Variants in SH3TC2 observed in about 807,000 individuals in gnomAD.
The protein encoded by SH3TC2 is SH3 domain and tetratricopeptide repeats 2, also known as SH3 domain and tetratricopeptide repeat-containing protein 2.
SH3TC2 carries 87 observed loss-of-function variants against 124.5 expected under a neutral mutation model. The ratio of observed to expected loss-of-function variants is 0.70; its 90% confidence interval spans 0.59 to 0.84. The LOEUF (loss-of-function observed/expected upper bound fraction) is 0.84, where lower values mean the gene tolerates loss of function less well. Ranked by LOEUF, SH3TC2 falls within the 40% of genes least tolerant of loss-of-function variation. The pLI, the probability that SH3TC2 is intolerant of heterozygous loss-of-function variation, is 0.00. For synonymous variants in SH3TC2, 634 were observed against 628.5 expected (o/e 1.01, Z -0.13); for missense variants, 1,536 against 1,566.4 (o/e 0.98, Z 0.33).
chr5:149,016,172 C>T (rs556989305), intron 12 of SH3TC2, among the ~76,000 whole-genome samples: 1 of 152,220 alleles, frequency 6.6e-6, no homozygotes, highest in East Asian at 1.9e-4. Flanking sequence ...GAGATCAGTA[C>T]TATTATCATA....
chr5:149,030,931 C>T (rs940046648), intron 9 of SH3TC2, among the ~76,000 whole-genome samples: 1 of 151,606 alleles, frequency 6.6e-6, no homozygotes, highest in Non-Finnish European at 1.5e-5. Context: ...TCAGTCAGTC[C>T]TTCAGACACT....
chr5:149,052,246 G>T lies in SH3TC2; in HGVS notation c.53-6C>A. On this transcript the variant is annotated splice_region_variant and splice_polypyrimidine_tract_variant and intron_variant, in intron 1 of 16. Coordinates refer to ENST00000515425, the MANE Select transcript of SH3TC2 (RefSeq NM_024577.4). Reference sequence around the variant, plus strand: ...CTTGGAAGGAGTTTCTTTACCTGGAGAAGATGAAATAAAAGGTCATCTTAA... The same window carrying T: ...CTTGGAAGGAGTTTCTTTACCTGGATAAGATGAAATAAAAGGTCATCTTAA... 1 of 1,592,048 alleles carries T rather than the reference G, an allele frequency of 6.3e-7. No individual in the cohort carries two copies.
chr5:149,004,003 T>C lies in SH3TC2; in HGVS notation c.*708A>G, dbSNP rs114857521. 0.047 allele frequency: 8,733 copies of C among 187,468 alleles called. 286 individuals are homozygous for C. The highest frequency in any genetic ancestry group is 0.084 in the South Asian group (1,057 of 12,560). The allele number at this position is 187,468 out of a possible 1,614,324, so 11.6% of individuals were successfully genotyped here. On this transcript the variant is annotated 3_prime_UTR_variant, in exon 17 of 17. Transcript: ENST00000515425. Reference sequence around the variant, plus strand: ...ATATACACTATTTACATGTAATTTATGTCATAATTTTCTTAACATTCAATT... The same window carrying C: ...ATATACACTATTTACATGTAATTTACGTCATAATTTTCTTAACATTCAATT...
chr5:149,009,343 T>C (rs1753745565), intron 14 of SH3TC2, among the ~76,000 whole-genome samples: 1 of 152,284 alleles, frequency 6.6e-6, no homozygotes, highest in South Asian at 2.1e-4. Flanking sequence ...GTGCTATCTA[T>C]GAAGCACACA....
Position 149,027,065 on chromosome 5 carries a change from G to A in SH3TC2, c.2667C>T (p.Ser889=). The change falls in exon 11 of 17, where the codon TCC becomes TCT. Residue 889 remains serine, a synonymous_variant. Transcript: ENST00000515425. ...AGTTTCTGGCTGGATGCTGAGCCCA[G>A]GACTTAAGGCTCAGGTGGCCAAGAT... ...MANLGHLSLK[S]WAQHPARNYL... The A allele has an allele frequency of 6.2e-7, 1 of 1,614,150 alleles. No individual in the cohort carries two copies. Among genetic ancestry groups the A allele is most frequent in the East Asian group, 2.2e-5 (1 of 44,876 alleles).
rs1753486459 is a variant in SH3TC2, at chr5:148,995,010, T to A, written c.*9701A>T. On this transcript the variant is annotated 3_prime_UTR_variant, in exon 17 of 17. Transcript: ENST00000515425. Reference sequence around the variant, plus strand: ...CAAAATACCTTAAAGGTACTGCCTATCCCCTGGATCTTTATTCCATAGAAC... The same window carrying A: ...CAAAATACCTTAAAGGTACTGCCTAACCCCTGGATCTTTATTCCATAGAAC... Among the ~76,000 whole-genome samples the A allele has an allele frequency of 6.6e-6, 1 of 152,154 alleles. No homozygotes were observed. The highest frequency in any genetic ancestry group is 6.5e-5 in the Admixed American group (1 of 15,272).
At chr5:149,028,594 C>T in intron 10 of SH3TC2, 40 bp from the exon 11 acceptor site, 1 of 1,614,198 alleles carries the variant, frequency 6.2e-7, no homozygotes, top group Non-Finnish European at 8.5e-7. Flanking sequence ...TGGGCACCTG[C>T]ACCTAAGGTG....
Position 148,995,589 on chromosome 5 carries a change from C to T in SH3TC2, c.*9122G>A, listed in dbSNP as rs1430233185. 1.3e-5 allele frequency among the ~76,000 whole-genome samples: 2 copies of T among 152,222 alleles called. No homozygotes were observed. The highest frequency in any genetic ancestry group is 3.8e-4 in the East Asian group (2 of 5,196). ...TGAGCAGCCCTATCACCTGATTTCTCAATCACTCATGAGCAATAAGTAGTT... is the reference window on the plus strand; with the variant it reads ...TGAGCAGCCCTATCACCTGATTTCTTAATCACTCATGAGCAATAAGTAGTT... On this transcript the variant is annotated 3_prime_UTR_variant, in exon 17 of 17. Transcript: ENST00000515425.
chr5:148,985,055 T>C lies in SH3TC2; in HGVS notation c.*19656A>G, dbSNP rs374956879. Among the ~76,000 whole-genome samples, 4 of 152,092 alleles carry C rather than the reference T, an allele frequency of 2.6e-5. No homozygotes were observed. The highest frequency in any genetic ancestry group is 2.1e-4 in the South Asian group (1 of 4,828). The stretch of plus-strand genomic sequence containing the variant: ...ACCTGGGCAAGCTAATCTGGTTAAC[T>C]GAGACTCTTCTTGATAGAACTTTTA... On this transcript the variant is annotated 3_prime_UTR_variant, in exon 17 of 17. Transcript: ENST00000515425.
chr5:149,055,764 T>C (rs917299597), intron 1 of SH3TC2, among the ~76,000 whole-genome samples: 1 of 152,166 alleles, frequency 6.6e-6, no homozygotes, highest in Non-Finnish European at 1.5e-5. Flanking sequence ...AAGTAAATGA[T>C]GTATATATAA....
At position 149,047,953 on chromosome 5, in the gene SH3TC2, C is replaced by T. The variant is rs747938069; in HGVS notation, c.188G>A (p.Arg63Lys). The T allele has an allele frequency of 1.9e-4, 301 of 1,614,014 alleles. 2 individuals carry two copies. In the Admixed American group the frequency reaches 5.0e-3, roughly 27 times the overall value. Residue 63 changes from arginine to lysine, a missense_variant, in exon 3 of 17, where the codon AGG becomes AAG. Physicochemically the swap from Arg to Lys is conservative, Grantham distance 26. Transcript: ENST00000515425. Reference protein sequence around the residue: ...TLSFCVKSRSRRCVNGPLQEA... With the variant: ...TLSFCVKSRSKRCVNGPLQEA... ...CTGTAGGGGTCCATTTACACACCTC[C>T]TGGAGCGGCTCTTTACACAGAAGGA...
At chr5:149,029,704 A>G (rs532146449) in intron 9 of SH3TC2, among the ~76,000 whole-genome samples, 1 of 152,292 alleles carries the variant, frequency 6.6e-6, no homozygotes, top group South Asian at 2.1e-4. Context: ...GACTTAAAAC[A>G]TAACCACCTA....
Position 149,058,505 on chromosome 5 carries a change from C to T in SH3TC2, c.52+4466G>A, listed in dbSNP as rs570430531. ...TACATACTTTTTATATGGAAGTGTC[C>T]ATTCCAACATTTTGCAATTGTTATT... On this transcript the variant is annotated intron_variant, in intron 1 of 16. Transcript: ENST00000515425. Among the ~76,000 whole-genome samples the T allele has an allele frequency of 2.6e-5, 4 of 152,102 alleles. No homozygotes were observed. In the South Asian group the frequency reaches 8.3e-4, roughly 32 times the overall value.
intron 1 of SH3TC2, among the ~76,000 whole-genome samples, chr5:149,055,982 C>T (rs1754640532): frequency 1.3e-5 from 2 of 152,118 alleles, no homozygotes; most frequent in African/African-American, 4.8e-5. Flanking sequence ...CTGTATAAAA[C>T]AATATCGATG....
intron 9 of SH3TC2, among the ~76,000 whole-genome samples, chr5:149,030,321 C>A (rs1287794164): frequency 1.3e-5 from 2 of 152,232 alleles, no homozygotes; most frequent in Admixed American, 1.3e-4. Context: ...GGTGCTGGGG[C>A]AGCCTGCACA....
chr5:149,058,836 G>A (rs10043923), intron 1 of SH3TC2, among the ~76,000 whole-genome samples: 120 of 152,220 alleles, frequency 7.9e-4, no homozygotes, highest in African/African-American at 2.7e-3. Context: ...CGATGGTGAG[G>A]TGTGAAATAT....
chr5:149,014,941 TA>T (rs1287592612), intron 12 of SH3TC2, among the ~76,000 whole-genome samples: 23 of 152,230 alleles, frequency 1.5e-4, no homozygotes, highest in African/African-American at 5.1e-4. Flanking sequence ...TCTGTTTTTT[TA>T]TGTTCCCATT....
Position 149,012,596 on chromosome 5 carries a change from C to T in SH3TC2, c.3192G>A (p.Glu1064=). 1 of 1,614,166 alleles carries T rather than the reference C, an allele frequency of 6.2e-7. No individual in the cohort carries two copies. Among genetic ancestry groups the T allele is most frequent in the Non-Finnish European group, 8.5e-7 (1 of 1,180,030 alleles). The part of the protein sequence containing the change: ...HYLMQEDELV[E]LCLQAAIQTA... ...GCAGGAGGCCTACCTGCAGGCACAG[C>T]TCCACCAGCTCGTCTTCCTGCATGA... The change falls in exon 13 of 17, where the codon GAG becomes GAA. Residue 1064 remains glutamate (E), a synonymous_variant. Coordinates refer to ENST00000515425, the MANE Select transcript of SH3TC2 (RefSeq NM_024577.4).
In SH3TC2 at chr5:148,993,632, T is replaced by A. The variant is rs1025432103; in HGVS notation, c.*11079A>T. ...TGCCAGACTAAACATAGGTTCAAAA[T>A]GACAGTTCCAATAAAGGGAGGTCAC... On this transcript the variant is annotated 3_prime_UTR_variant, in exon 17 of 17. Transcript: ENST00000515425. 2.6e-5 allele frequency among the ~76,000 whole-genome samples: 4 copies of A among 152,174 alleles called. No individual in the cohort carries two copies. Among genetic ancestry groups the A allele is most frequent in the Non-Finnish European group, 4.4e-5 (3 of 68,034 alleles).
Sources: gnomAD v4.1 joint callset for allele counts (sites outside exome capture counted in the v4.1 genomes callset) on GRCh38, gnomAD v4.1.1 for gene constraint, MANE v1.5 for transcripts, NCBI Gene and HGNC (gene_info 2026-07-23, HGNC 2026-07-21) for gene names.